The following GLYATL1 variants were observed in gnomAD, a reference collection of about 807,000 sequenced individuals.
The protein encoded by GLYATL1 is glycine-N-acyltransferase like 1.
A neutral mutation model predicts 20.0 loss-of-function variants in GLYATL1; 15 were observed. That is an observed-to-expected ratio of 0.75 (90% CI 0.50 to 1.15). The LOEUF (loss-of-function observed/expected upper bound fraction) is 1.15, where lower values mean the gene tolerates loss of function less well. Ranked by LOEUF, GLYATL1 falls within the 50% of genes most tolerant of loss-of-function variation. The pLI is 0.00. For synonymous variants in GLYATL1, 151 were observed against 131.5 expected (o/e 1.15, Z -1.01); for missense variants, 380 against 368.5 (o/e 1.03, Z -0.26).
intron 1 of GLYATL1, among the ~76,000 whole-genome samples, chr11:58,943,027 G>A (rs1304292110): frequency 6.6e-6 from 1 of 152,130 alleles, no homozygotes; most frequent in African/African-American, 2.4e-5. Context: ...AATGGTAGCA[G>A]CAAAAACCCA....
At chr11:58,907,344 T>A (rs1854922441) in exon 2 of GLYATL1, 1 of 456,194 alleles carries the variant, frequency 2.2e-6, no homozygotes, top group African/African-American at 2.0e-5. Flanking sequence ...CTGCCCTTCC[T>A]TGCGACACTG....
At chr11:58,946,978 G>A in intron 2 of GLYATL1, 68 bp from the exon 3 acceptor site, 1 of 1,078,408 alleles carries the variant, frequency 9.3e-7, no homozygotes, top group Non-Finnish European at 1.4e-6. Context: ...CTTGAATGGA[G>A]ATGTATAAAG....
downstream of GLYATL1, among the ~76,000 whole-genome samples, chr11:58,911,992 G>A (rs1299168510): frequency 2.0e-5 from 3 of 152,052 alleles, no homozygotes; most frequent in Non-Finnish European, 4.4e-5. Context: ...TTTGTATGGT[G>A]TGATATCTGG....
At chr11:58,928,580 A>C (rs1855492755) in intron 1 of GLYATL1, 1 of 152,116 alleles carries the variant, frequency 6.6e-6, no homozygotes, top group Non-Finnish European at 1.5e-5. Context: ...CTGCCCGCAG[A>C]CCCTGACCCA....
intron 1 of GLYATL1, chr11:58,943,201 A>G (rs1443059500): frequency 1.3e-5 from 18 of 1,388,144 alleles, no homozygotes; most frequent in Middle Eastern, 2.0e-4. Flanking sequence ...TAATCATCAG[A>G]CAAAATTGAA....
At chr11:58,921,076 T>C (rs1855298108) in intron 1 of GLYATL1, among the ~76,000 whole-genome samples, 1 of 152,208 alleles carries the variant, frequency 6.6e-6, no homozygotes, top group South Asian at 2.1e-4. Context: ...TAAGGCCTTC[T>C]CCTAATTGGC....
intron 1 of GLYATL1, among the ~76,000 whole-genome samples, chr11:58,905,920 C>G (rs757212762): frequency 6.6e-6 from 1 of 152,218 alleles, no homozygotes; most frequent in Non-Finnish European, 1.5e-5. Flanking sequence ...TGAGAGAAAA[C>G]AGCCTCCAGA....
chr11:58,909,326 C>G (rs1280427838), downstream of GLYATL1, among the ~76,000 whole-genome samples: 3 of 151,986 alleles, frequency 2.0e-5, no homozygotes, highest in African/African-American at 7.2e-5. Context: ...CAGCATGGTG[C>G]CTATAGTTAA....
In GLYATL1 at chr11:58,947,742, T is replaced by A. The variant is rs1856679213; in HGVS notation, c.79-116T>A. On this transcript the variant is annotated intron_variant, in intron 3 of 6. Transcript: ENST00000532726. ...CAGGACCATACTGCTCATCTCACCA[T>A]CACTGACTTGGTCTCAGTACCTTCT... 9.7e-6 allele frequency: 7 copies of A among 722,520 alleles called. No homozygotes were observed. The Middle Eastern group carries it at 9.2e-4, about 95-fold the overall frequency. 44.8% of individuals were successfully genotyped at this position (722,520 alleles called of 1,614,324 possible). A position where few individuals can be genotyped will look rare whatever the true frequency, so the allele number is the denominator to read the frequency against.
At position 58,943,659 on chromosome 11, in the gene GLYATL1, G is replaced by C; in HGVS notation, c.-50G>C. 1.2e-6 allele frequency: 2 copies of C among 1,613,130 alleles called. No homozygotes were observed. The highest frequency in any genetic ancestry group is 1.3e-5 in the African/African-American group (1 of 74,992). ...CCATTGATCTCTCAGAGTGGCTGAG[G>C]ATAATAGGTAAGCTCCCTCTCGCAT... is the stretch of plus-strand genomic sequence containing the variant. On this transcript the variant is annotated 5_prime_UTR_variant, in exon 2 of 7. Transcript: ENST00000532726.
intron 1 of GLYATL1, among the ~76,000 whole-genome samples, chr11:58,930,255 C>T (rs897425106): frequency 6.6e-6 from 1 of 152,160 alleles, no homozygotes; most frequent in Non-Finnish European, 1.5e-5. Context: ...ACTTCAAAAT[C>T]TCACAAGGAA....
intron 3 of GLYATL1, 125 bp from the exon 4 acceptor site, chr11:58,947,733 A>AT: frequency 1.4e-6 from 1 of 694,394 alleles, no homozygotes; most frequent in Admixed American, 2.0e-5. Context: ...CATACTGCTC[A>AT]TCTCACCATC....
chr11:58,932,241 C>T (rs1186276862), intron 1 of GLYATL1, among the ~76,000 whole-genome samples: 1 of 151,696 alleles, frequency 6.6e-6, no homozygotes, highest in African/African-American at 2.4e-5. Context: ...CTATTACACC[C>T]ACAGAATTGG....
intron 4 of GLYATL1, among the ~76,000 whole-genome samples, chr11:58,951,339 C>T (rs902554070): frequency 6.6e-6 from 1 of 151,916 alleles, no homozygotes; most frequent in Non-Finnish European, 1.5e-5. Flanking sequence ...TCTATTTTGT[C>T]GTATAACATG....
exon 2 of GLYATL1, chr11:58,907,928 G>C (rs935415014): frequency 6.5e-6 from 1 of 153,026 alleles, no homozygotes; most frequent in African/African-American, 2.4e-5. Context: ...TTTTCTAGTC[G>C]GATTTTGGGG....
At chr11:58,921,854 A>G (rs1590771267) in intron 1 of GLYATL1, among the ~76,000 whole-genome samples, 1 of 152,128 alleles carries the variant, frequency 6.6e-6, no homozygotes, top group South Asian at 2.1e-4. Context: ...TTTCCACTTG[A>G]TATCTCCCTG....
At chr11:58,924,059 A>G (rs552225063), upstream of GLYATL1, among the ~76,000 whole-genome samples, 1 of 152,120 alleles carries the variant, frequency 6.6e-6, no homozygotes, top group African/African-American at 2.4e-5. Flanking sequence ...TGAGACACTG[A>G]TACTCTGTTT....
Position 58,955,972 on chromosome 11 carries a change from C to T in GLYATL1, c.854C>T (p.Ala285Val). ...GTGGGGCAGTTTGGTTTCTTTGAGG[C>T]CTCCTGTGAGTGGCACCAATGGACT... ...RFVGQFGFFE[A>V]SCEWHQWTCY... The change falls in exon 7 of 7, where the codon GCC becomes GTC. Residue 285 changes from alanine to valine, a missense_variant. Transcript: ENST00000532726. The T allele has an allele frequency of 3.7e-6, 6 of 1,614,042 alleles. No individual in the cohort carries two copies. Among genetic ancestry groups the T allele is most frequent in the Non-Finnish European group, 5.1e-6 (6 of 1,179,896 alleles).
intron 2 of GLYATL1, 22 bp from the exon 3 acceptor site, chr11:58,947,024 C>A (rs1288560733): frequency 6.4e-7 from 1 of 1,568,148 alleles, no homozygotes; most frequent in Non-Finnish European, 8.8e-7. Flanking sequence ...TAACATTTTC[C>A]CTTCATTTCT....
Sources: allele counts gnomAD v4.1 joint callset (sites outside exome capture counted in the v4.1 genomes callset), GRCh38; gene constraint gnomAD v4.1.1; transcripts MANE v1.5; gene names NCBI Gene and HGNC (gene_info 2026-07-23, HGNC 2026-07-21).